The following NKTR variants were observed in gnomAD, a reference collection of about 807,000 sequenced individuals.
NKTR encodes the protein natural killer cell triggering receptor, also known as NK-tumor recognition protein.
A neutral mutation model predicts 156.3 loss-of-function variants in NKTR; 67 were observed. The observed-to-expected ratio is 0.43, with a 90% CI of 0.35 to 0.53. NKTR has a LOEUF of 0.53. NKTR is among the 20% of genes least tolerant of loss of function. The pLI is 0.01. For synonymous variants in NKTR, 640 were observed against 596.6 expected (o/e 1.07, Z -1.06); for missense variants, 1,604 against 1,730.9 (o/e 0.93, Z 1.30).
chr3:42,621,217 G>A (rs780712021), intron 5 of NKTR: 36 of 1,201,656 alleles, frequency 3.0e-5, no homozygotes, highest in Non-Finnish European at 3.7e-5. Flanking sequence ...TTAAATATAT[G>A]TTCTTTTCCT....
At chr3:42,644,085 T>C in intron 16 of NKTR, 82 bp downstream of exon 16, 1 of 793,018 alleles carries the variant, frequency 1.3e-6, no homozygotes, top group South Asian at 1.6e-5. Context: ...GGGCTGCTAG[T>C]GGAAGAGAAA....
At chr3:42,603,826 C>G (rs540856734) in intron 2 of NKTR, among the ~76,000 whole-genome samples, 4 of 151,532 alleles carry the variant, frequency 2.6e-5, no homozygotes, top group African/African-American at 9.7e-5. Flanking sequence ...ACCTCCGCCT[C>G]CCAGGTTCAA....
chr3:42,604,748 G>T (rs1706056981), intron 2 of NKTR, among the ~76,000 whole-genome samples: 1 of 134,840 alleles, frequency 7.4e-6, no homozygotes, highest in Non-Finnish European at 1.5e-5. Flanking sequence ...GAGTGCAGTG[G>T]CATGATCTTG....
At chr3:42,634,915 CA>C (rs1181582600) in intron 11 of NKTR, 12 of 478,568 alleles carry the variant, frequency 2.5e-5, no homozygotes, top group Non-Finnish European at 4.4e-5. Flanking sequence ...CATGTGAAAC[CA>C]TCAGTGAGTA....
At chr3:42,633,452 A>T (rs1709095998) in intron 9 of NKTR, 128 bp from the exon 10 acceptor site, 1 of 1,432,198 alleles carries the variant, frequency 7.0e-7, no homozygotes, top group African/African-American at 1.4e-5. Flanking sequence ...TGAAAATCAT[A>T]TAACTCTTTT....
At chr3:42,624,039 C>G (rs963963632) in intron 6 of NKTR, among the ~76,000 whole-genome samples, 4 of 152,082 alleles carry the variant, frequency 2.6e-5, no homozygotes, top group Non-Finnish European at 5.9e-5. Context: ...TGTGCATTAA[C>G]TACTGTCTTC....
At position 42,639,050 on chromosome 3, in the gene NKTR, C is replaced by A; in HGVS notation, c.3346C>A (p.Pro1116Thr). ...QNIQHVEESV[P>T]NGVEDVLQTD... Reference sequence around the variant, plus strand: ...CATTCAGCACGTTGAAGAAAGTGTTCCCAATGGAGTGGAAGATGTGCTTCA... The same window carrying A: ...CATTCAGCACGTTGAAGAAAGTGTTACCAATGGAGTGGAAGATGTGCTTCA... The change falls in exon 13 of 17, where the codon CCC (proline) becomes ACC (threonine). Residue 1116 changes from proline (P) to threonine (T), a missense_variant. Pro to Thr is a conservative substitution (Grantham distance 38, BLOSUM62 -1). Transcript: ENST00000232978. The A allele has an allele frequency of 3.1e-6, 5 of 1,613,938 alleles. No homozygotes were observed. The highest frequency in any genetic ancestry group is 4.2e-6 in the Non-Finnish European group (5 of 1,179,936).
intron 2 of NKTR, among the ~76,000 whole-genome samples, chr3:42,605,842 A>G (rs1706182482): frequency 2.0e-5 from 3 of 152,220 alleles, no homozygotes; most frequent in South Asian, 2.1e-4. Context: ...CTCCAGTGTA[A>G]TAGTGCTTAC....
chr3:42,627,651 G>T lies in NKTR; in HGVS notation c.375-2895G>T, dbSNP rs555074752. 7.9e-5 allele frequency: 78 copies of T among 984,744 alleles called. No individual in the cohort carries two copies. The African/African-American group carries it at 1.3e-3, about 17-fold the overall frequency. The allele number at this position is 984,744 out of a possible 1,614,324, so 61.0% of individuals were successfully genotyped here. ...ACACATGTTTTTTAAAGTAGATTCA[G>T]GGGTCGGGAAAACTGAAAAATCACT... On this transcript the variant is annotated intron_variant, in intron 6 of 16. Coordinates refer to ENST00000232978, the MANE Select transcript of NKTR (RefSeq NM_005385.4).
chr3:42,608,933 C>T (rs1424187014), intron 2 of NKTR, among the ~76,000 whole-genome samples: 3 of 152,132 alleles, frequency 2.0e-5, no homozygotes, highest in African/African-American at 7.2e-5. Flanking sequence ...CCAGACAAGC[C>T]TGGCCAACGT....
At chr3:42,630,038 C>CGGT in intron 6 of NKTR, 1 of 985,532 alleles carries the variant, frequency 1.0e-6, no homozygotes, top group Non-Finnish European at 1.2e-6. Context: ...CTCCTGAGAC[C>CGGT]TACCTCTGCC....
intron 5 of NKTR, chr3:42,620,455 A>G: frequency 1.0e-6 from 1 of 991,638 alleles, no homozygotes; most frequent in Non-Finnish European, 1.2e-6. Flanking sequence ...TTGTAATGAA[A>G]TCTAATATTA....
intron 5 of NKTR, chr3:42,620,649 T>TA: frequency 1.0e-6 from 1 of 982,944 alleles, no homozygotes; most frequent in Non-Finnish European, 1.2e-6. Flanking sequence ...ACATATAAGT[T>TA]AGTTTTCAAG....
chr3:42,629,169 TTAA>T (rs2125800932), intron 6 of NKTR: 1 of 985,082 alleles, frequency 1.0e-6, no homozygotes, highest in Non-Finnish European at 1.2e-6. Flanking sequence ...GGATGCTAGT[TTAA>T]TGATTTAAAC....
intron 15 of NKTR, 199 bp downstream of exon 15, chr3:42,643,594 T>C: frequency 3.2e-6 from 2 of 626,778 alleles, no homozygotes; most frequent in East Asian, 2.8e-5. Context: ...AATGACAATA[T>C]CAAATTGTAA....
At chr3:42,641,324 G>T (rs1709865621) in intron 13 of NKTR, among the ~76,000 whole-genome samples, 1 of 152,130 alleles carries the variant, frequency 6.6e-6, no homozygotes, top group African/African-American at 2.4e-5. Flanking sequence ...ACTGGAAGCA[G>T]GTCATGTCTT....
intron 6 of NKTR, 68 bp from the exon 7 acceptor site, chr3:42,630,478 C>A (rs372137910): frequency 6.2e-7 from 1 of 1,604,620 alleles, no homozygotes; most frequent in Admixed American, 1.7e-5. Context: ...TGTGTTTAAA[C>A]CTTTCTGCTC....
In NKTR at chr3:42,638,160, C is replaced by G. The variant is rs1018618579; in HGVS notation, c.2456C>G (p.Thr819Arg). ...SDSEQSSVQA[T>R]QSAQEKEKQG... ...AGTGAGCAGTCAAGTGTTCAGGCCA[C>G]ACAGTCAGCCCAGGAAAAAGAGAAG... Residue 819 changes from threonine (T) to arginine (R), a missense_variant, in exon 13 of 17, where the codon ACA becomes AGA. By Grantham distance (71) the Thr-to-Arg change is moderately conservative. Coordinates refer to ENST00000232978, the MANE Select transcript of NKTR (RefSeq NM_005385.4). 6.2e-7 allele frequency: 1 copy of G among 1,612,722 alleles called. No homozygotes were observed. The highest frequency in any genetic ancestry group is 1.3e-5 in the African/African-American group (1 of 74,700).
intron 6 of NKTR, 28 bp downstream of exon 6, chr3:42,621,544 T>C (rs753108889): frequency 6.2e-7 from 1 of 1,600,118 alleles, no homozygotes; most frequent in Non-Finnish European, 8.5e-7. Context: ...AGAGATGAGC[T>C]TTTCTTAAAC....
Sources: gnomAD v4.1 joint callset for allele counts (sites outside exome capture counted in the v4.1 genomes callset) on GRCh38, gnomAD v4.1.1 for gene constraint, MANE v1.5 for transcripts, NCBI Gene and HGNC (gene_info 2026-07-23, HGNC 2026-07-21) for gene names.